RALYL: variants seen among roughly 807,000 people sequenced by gnomAD.
The protein encoded by RALYL is RALY RNA binding protein like.
RALYL carries 29 observed loss-of-function variants against 35.1 expected under a neutral mutation model. That is an observed-to-expected ratio of 0.83 (90% CI 0.61 to 1.13). The LOEUF (loss-of-function observed/expected upper bound fraction) is 1.13. RALYL is among the 50% of genes most tolerant of loss of function. The pLI is 0.00. For missense variants in RALYL, 359 were observed against 360.4 expected (o/e 1.00, Z 0.03); for synonymous variants, 120 against 127.6 (o/e 0.94, Z 0.40).
intron 2 of RALYL, among the ~76,000 whole-genome samples, chr8:84,557,243 G>A (rs560909775): frequency 6.6e-6 from 1 of 152,140 alleles, no homozygotes; most frequent in Non-Finnish European, 1.5e-5. Flanking sequence ...TCTTGCTTAA[G>A]CATTGTTTCC....
At chr8:84,830,397 TG>T (rs1209944552) in intron 4 of RALYL, among the ~76,000 whole-genome samples, 1 of 149,756 alleles carries the variant, frequency 6.7e-6, no homozygotes, top group Admixed American at 6.6e-5. Context: ...AAATGGGGGG[TG>T]GGGGTCTAAC....
intron 1 of RALYL, among the ~76,000 whole-genome samples, chr8:84,455,988 A>T (rs1351341909): frequency 6.6e-6 from 1 of 152,000 alleles, no homozygotes; most frequent in Non-Finnish European, 1.5e-5. Context: ...TCTATCTGAT[A>T]AGTAGCCCAT....
At chr8:84,315,679 T>G (rs1380393944) in intron 1 of RALYL, among the ~76,000 whole-genome samples, 1 of 152,090 alleles carries the variant, frequency 6.6e-6, no homozygotes, top group East Asian at 1.9e-4. Context: ...TTTTATATAT[T>G]GAAGTACAAT....
chr8:84,885,154 G>A (rs1842752849), intron 7 of RALYL, among the ~76,000 whole-genome samples: 1 of 151,992 alleles, frequency 6.6e-6, no homozygotes, highest in Non-Finnish European at 1.5e-5. Context: ...TACAGATCTA[G>A]AACTGTAGAG....
At chr8:84,916,338 GTTCT>G (rs992638921) in intron 8 of RALYL, among the ~76,000 whole-genome samples, 7 of 151,632 alleles carry the variant, frequency 4.6e-5, no homozygotes, top group African/African-American at 1.5e-4. Context: ...GAAAAAGAGG[GTTCT>G]TTTTTTTTAA....
chr8:84,839,240 G>A (rs905934609), intron 4 of RALYL, among the ~76,000 whole-genome samples: 2 of 152,188 alleles, frequency 1.3e-5, no homozygotes, highest in East Asian at 1.9e-4. Flanking sequence ...GGTGACAGAC[G>A]GCACCTGGAA....
chr8:84,832,152 C>T (rs1586626937), intron 4 of RALYL, among the ~76,000 whole-genome samples: 1 of 152,076 alleles, frequency 6.6e-6, no homozygotes, highest in South Asian at 2.1e-4. Flanking sequence ...CTTGTTTTTG[C>T]TACAGTCTAT....
At chr8:84,736,398 T>C (rs1847320180) in intron 2 of RALYL, among the ~76,000 whole-genome samples, 2 of 152,042 alleles carry the variant, frequency 1.3e-5, no homozygotes, top group Admixed American at 1.3e-4. Flanking sequence ...AAGGACAACA[T>C]AAGACAGAAT....
chr8:84,902,063 T>A (rs548201817), intron 8 of RALYL, among the ~76,000 whole-genome samples: 1 of 152,252 alleles, frequency 6.6e-6, no homozygotes, highest in East Asian at 1.9e-4. Context: ...TGACTCACAA[T>A]CTTGGAGATG....
intron 2 of RALYL, among the ~76,000 whole-genome samples, chr8:84,721,789 T>C (rs1257736136): frequency 6.6e-6 from 1 of 152,086 alleles, no homozygotes; most frequent in Non-Finnish European, 1.5e-5. Flanking sequence ...ATATAATAAA[T>C]CTTTGTCACT....
intron 5 of RALYL, among the ~76,000 whole-genome samples, chr8:84,852,660 C>T (rs539590149): frequency 1.3e-5 from 2 of 152,236 alleles, no homozygotes; most frequent in East Asian, 1.9e-4. Context: ...TACTCTACAC[C>T]GTAGGAGACC....
At chr8:84,674,135 A>G (rs1833766811) in intron 2 of RALYL, among the ~76,000 whole-genome samples, 2 of 152,064 alleles carry the variant, frequency 1.3e-5, no homozygotes, top group Admixed American at 1.3e-4. Context: ...TTTTTGTGAC[A>G]ATTGTGAATG....
rs369093276 is a variant in RALYL at position 84,497,648 on chromosome 8, T to G, written c.-23-31651T>G. 1.9e-3 allele frequency among the ~76,000 whole-genome samples: 277 copies of G among 147,478 alleles called. 4 individuals are homozygous for G. The highest frequency in any genetic ancestry group is 0.013 in the East Asian group (64 of 5,112). On this transcript the variant is annotated intron_variant, in intron 1 of 8. Coordinates refer to ENST00000521268, the MANE Select transcript of RALYL (RefSeq NM_173848.7). ...TTTTGTTGTTTTTGTTTTTGTTTTTTTTTTTTTTTTTGAGAGACAGTCTCA... is the reference window on the plus strand; with the variant it reads ...TTTTGTTGTTTTTGTTTTTGTTTTTGTTTTTTTTTTTGAGAGACAGTCTCA...
chr8:84,352,160 CT>C (rs959782780), intron 1 of RALYL, among the ~76,000 whole-genome samples: 8 of 150,024 alleles, frequency 5.3e-5, no homozygotes, highest in Admixed American at 3.3e-4. Context: ...ATATTAAAGA[CT>C]TTTTTTCCCC....
intron 4 of RALYL, 67 bp from the exon 5 acceptor site, chr8:84,849,913 A>C (rs912620995): frequency 1.2e-6 from 1 of 843,608 alleles, no homozygotes; most frequent in Middle Eastern, 2.3e-4. Flanking sequence ...CTATAACATC[A>C]TAAGTTAATA....
intron 1 of RALYL, among the ~76,000 whole-genome samples, chr8:84,333,884 A>T (rs1302364417): frequency 6.6e-6 from 1 of 151,610 alleles, no homozygotes; most frequent in Admixed American, 6.6e-5. Context: ...TCTTATTTTA[A>T]CTTGTTTTTT....
At chr8:84,692,417 A>G (rs1373093662) in intron 2 of RALYL, among the ~76,000 whole-genome samples, 1 of 152,008 alleles carries the variant, frequency 6.6e-6, no homozygotes, top group Non-Finnish European at 1.5e-5. Context: ...GAAATTTTAA[A>G]GGGGTATCAC....
chr8:84,388,304 T>C (rs572102055), intron 1 of RALYL, among the ~76,000 whole-genome samples: 4 of 152,154 alleles, frequency 2.6e-5, no homozygotes, highest in East Asian at 3.9e-4. Context: ...AATAAACATA[T>C]GTGTGCATGT....
At chr8:84,537,198 A>G (rs2059674363) in intron 2 of RALYL, among the ~76,000 whole-genome samples, 1 of 150,468 alleles carries the variant, frequency 6.6e-6, no homozygotes, top group Admixed American at 6.6e-5. Context: ...GGCCGGGCGC[A>G]GTGGCTCACA....
Sources: gnomAD v4.1 joint callset for allele counts (sites outside exome capture counted in the v4.1 genomes callset) on GRCh38, gnomAD v4.1.1 for gene constraint, MANE v1.5 for transcripts, NCBI Gene and HGNC (gene_info 2026-07-23, HGNC 2026-07-21) for gene names.